FHIT: variants seen among roughly 807,000 people sequenced by gnomAD.
FHIT encodes the protein fragile histidine triad diadenosine triphosphatase, also known as bis(5'-adenosyl)-triphosphatase.
Under a neutral mutation model 17.9 loss-of-function variants are expected in FHIT, and 19 were observed. The observed-to-expected ratio is 1.06, with a 90% CI of 0.74 to 1.56. The LOEUF (loss-of-function observed/expected upper bound fraction) is 1.56. Among genes scored for constraint, FHIT ranks in the 40% most tolerant of loss-of-function variants. The probability of loss-of-function intolerance (pLI) is 0.00; values close to 1 mark genes in which losing one functional copy is unlikely to be tolerated. For synonymous variants in FHIT, 81 were observed against 69.7 expected (o/e 1.16, Z -0.81); for missense variants, 248 against 189.2 (o/e 1.31, Z -1.82).
intron 5 of FHIT, among the ~76,000 whole-genome samples, chr3:60,145,332 C>T (rs190187947): frequency 1.3e-5 from 2 of 152,280 alleles, no homozygotes; most frequent in Admixed American, 1.3e-4. Context: ...AAATTATGTA[C>T]AAGCTTCACC....
chr3:60,487,781 G>T (rs1163393176), intron 5 of FHIT, among the ~76,000 whole-genome samples: 1 of 152,004 alleles, frequency 6.6e-6, no homozygotes, highest in East Asian at 2.0e-4. Flanking sequence ...AGTCAGAGAT[G>T]ATGAAGTCTT....
rs13077540 is a variant in FHIT, at chr3:61,223,364, C to G, written c.-212-22699G>C. On this transcript the variant is annotated intron_variant, in intron 1 of 9. Coordinates refer to ENST00000492590, the MANE Select transcript of FHIT (RefSeq NM_002012.4). ...TCAGAATAACAGAAAGACCAGATCC[C>G]CAGTTCCACCCAGACAGACCAAATA... Among the ~76,000 whole-genome samples the G allele has an allele frequency of 9.9e-3, 1,508 of 152,246 alleles. 14 individuals are homozygous for G. The highest frequency in any genetic ancestry group is 0.031 in the Middle Eastern group (9 of 290).
intron 3 of FHIT, among the ~76,000 whole-genome samples, chr3:60,837,138 TAAG>T (rs1702567673): frequency 6.6e-6 from 1 of 152,108 alleles, no homozygotes; most frequent in Admixed American, 6.6e-5. Flanking sequence ...CTGGAACTTC[TAAG>T]AAGGCACAGT....
intron 5 of FHIT, among the ~76,000 whole-genome samples, chr3:60,389,011 G>C (rs1442639793): frequency 6.6e-6 from 1 of 152,164 alleles, no homozygotes; most frequent in Non-Finnish European, 1.5e-5. Context: ...TCCTGGTGTC[G>C]TCTGGCTGTA....
At chr3:60,096,020 T>G (rs1044123144) in intron 5 of FHIT, among the ~76,000 whole-genome samples, 1 of 151,984 alleles carries the variant, frequency 6.6e-6, no homozygotes, top group African/African-American at 2.4e-5. Context: ...CTTGAAGGAG[T>G]TGACACAGGA....
intron 4 of FHIT, among the ~76,000 whole-genome samples, chr3:60,604,029 T>C (rs2038528975): frequency 6.6e-6 from 1 of 152,200 alleles, no homozygotes; most frequent in Non-Finnish European, 1.5e-5. Flanking sequence ...TACTATGTAC[T>C]AGGCACTGCT....
intron 5 of FHIT, among the ~76,000 whole-genome samples, chr3:60,044,119 T>C (rs1315594994): frequency 2.6e-5 from 4 of 152,182 alleles, no homozygotes; most frequent in African/African-American, 9.7e-5. Flanking sequence ...CCTAAGCAGA[T>C]TACATGTGTG....
intron 7 of FHIT, among the ~76,000 whole-genome samples, chr3:59,975,526 TTAAAA>T (rs1342850618): frequency 6.6e-6 from 1 of 152,048 alleles, no homozygotes; most frequent in Non-Finnish European, 1.5e-5. Flanking sequence ...TTATTAACTA[TTAAAA>T]TAAAGGTAGG....
intron 8 of FHIT, among the ~76,000 whole-genome samples, chr3:59,882,496 A>C (rs1345082159): frequency 1.3e-5 from 2 of 152,144 alleles, no homozygotes; most frequent in African/African-American, 4.8e-5. Flanking sequence ...AACTCGGTAG[A>C]GAAATCCAGA....
At chr3:60,538,299 C>G (rs571684577) in intron 4 of FHIT, among the ~76,000 whole-genome samples, 4 of 152,176 alleles carry the variant, frequency 2.6e-5, no homozygotes, top group African/African-American at 4.8e-5. Flanking sequence ...AGGACACAAA[C>G]AAATGGAAGA....
chr3:59,826,939 T>G (rs1476450886), intron 8 of FHIT, among the ~76,000 whole-genome samples: 1 of 152,214 alleles, frequency 6.6e-6, no homozygotes, highest in Non-Finnish European at 1.5e-5. Context: ...GATAATACAC[T>G]TTCTTTTTTA....
At chr3:60,817,806 C>G (rs527797464) in intron 4 of FHIT, among the ~76,000 whole-genome samples, 26 of 152,150 alleles carry the variant, frequency 1.7e-4, no homozygotes, top group African/African-American at 5.3e-4. Context: ...AATTTGGGCC[C>G]ATTATTTCTT....
intron 2 of FHIT, among the ~76,000 whole-genome samples, chr3:61,060,298 T>A (rs2034381230): frequency 6.6e-6 from 1 of 152,282 alleles, no homozygotes; most frequent in Admixed American, 6.5e-5. Context: ...TATGGTGAAA[T>A]TGGTTATATG....
intron 5 of FHIT, among the ~76,000 whole-genome samples, chr3:60,129,740 G>C (rs186751032): frequency 6.6e-6 from 1 of 152,036 alleles, no homozygotes; most frequent in South Asian, 2.1e-4. Context: ...TAAAGTTAAG[G>C]AGATATAAAA....
intron 4 of FHIT, among the ~76,000 whole-genome samples, chr3:60,574,242 CTTCT>C (rs752324361): frequency 2.0e-5 from 3 of 152,140 alleles, no homozygotes; most frequent in African/African-American, 7.2e-5. Context: ...TTTATCCTGA[CTTCT>C]TTCTCACTTT....
intron 5 of FHIT, among the ~76,000 whole-genome samples, chr3:60,169,613 T>C (rs573586231): frequency 6.6e-6 from 1 of 152,224 alleles, no homozygotes; most frequent in Admixed American, 6.5e-5. Flanking sequence ...CTTTCAAAGG[T>C]TAGAATAATC....
At chr3:60,070,483 T>G (rs1270057745) in intron 5 of FHIT, among the ~76,000 whole-genome samples, 3 of 152,236 alleles carry the variant, frequency 2.0e-5, no homozygotes, top group African/African-American at 7.2e-5. Flanking sequence ...CTTTCATTAA[T>G]AAGACTTTTT....
chr3:60,047,822 G>A (rs949725399), intron 5 of FHIT, among the ~76,000 whole-genome samples: 4 of 152,214 alleles, frequency 2.6e-5, no homozygotes, highest in Non-Finnish European at 4.4e-5. Context: ...CTAGATTTAA[G>A]ATCAACCCCA....
intron 5 of FHIT, among the ~76,000 whole-genome samples, chr3:60,162,651 T>C (rs1700990667): frequency 6.6e-6 from 1 of 152,182 alleles, no homozygotes; most frequent in African/African-American, 2.4e-5. Context: ...GCATTTCATT[T>C]TTACCTTCTT....
Sources: allele counts gnomAD v4.1 joint callset (sites outside exome capture counted in the v4.1 genomes callset), GRCh38; gene constraint gnomAD v4.1.1; transcripts MANE v1.5; gene names NCBI Gene and HGNC (gene_info 2026-07-23, HGNC 2026-07-21).